The following RTF1 variants were observed in gnomAD, a reference collection of about 807,000 sequenced individuals.
RTF1 encodes the protein RNA polymerase-associated protein RTF1 homolog.
Under a neutral mutation model 95.7 loss-of-function variants are expected in RTF1, and 10 were observed. The observed-to-expected ratio is 0.10, with a 90% confidence interval of 0.06 to 0.18. The LOEUF (loss-of-function observed/expected upper bound fraction) is 0.18, where lower values mean the gene tolerates loss of function less well. Ranked by LOEUF, RTF1 falls within the 10% of genes least tolerant of loss-of-function variation. RTF1 has a pLI of 1.00. For missense variants in RTF1, 458 were observed against 875.6 expected (o/e 0.52, Z 6.02); for synonymous variants, 305 against 311.8 (o/e 0.98, Z 0.23).
In RTF1 at chr15:41,417,226, G is replaced by T; in HGVS notation, c.111G>T (p.Arg37=). Residue 37 remains arginine, a synonymous_variant, in exon 1 of 18, where the codon CGG becomes CGT. Transcript: ENST00000389629. ...GSPGGGRRGS[R]GTTMVKKRKG... ...CGGGCGGCGGCCGGCGTGGGAGCCGGGGGACCACCATGGTAAAGAAGCGGA... is the reference window on the plus strand; with the variant it reads ...CGGGCGGCGGCCGGCGTGGGAGCCGTGGGACCACCATGGTAAAGAAGCGGA... 3 of 1,260,086 alleles carry T rather than the reference G, an allele frequency of 2.4e-6. No homozygotes were observed. The highest frequency in any genetic ancestry group is 3.0e-6 in the Non-Finnish European group (3 of 996,522). The allele number at this position is 1,260,086 out of a possible 1,614,324, so 78.1% of individuals were successfully genotyped here.
rs577007442 is a variant in RTF1, at chr15:41,468,632, A to C, written c.890-1625A>C. On this transcript the variant is annotated intron_variant, in intron 6 of 17. Coordinates refer to ENST00000389629, the MANE Select transcript of RTF1 (RefSeq NM_015138.5). ...GCACCCGGCCTAAAGAGAAACTTCT[A>C]ATCAGCTATTTAGTTACCCCCCAGG... Among the ~76,000 whole-genome samples, 15 of 152,238 alleles carry C rather than the reference A, an allele frequency of 9.9e-5. No individual in the cohort carries two copies. In the South Asian group the frequency reaches 2.9e-3, roughly 29 times the overall value.
In RTF1 at chr15:41,440,680, G is replaced by A. The variant is rs180724660; in HGVS notation, c.309+2249G>A. On this transcript the variant is annotated intron_variant, in intron 2 of 17. Transcript: ENST00000389629. The stretch of plus-strand genomic sequence containing the variant: ...AATTTTTTGTATTTTTGGTAGAGTC[G>A]GGGTTTCACCACGTTAGCCAAGATG... Among the ~76,000 whole-genome samples, 290 of 151,242 alleles carry A rather than the reference G, an allele frequency of 1.9e-3. 2 individuals are homozygous for A. Among genetic ancestry groups the A allele is most frequent in the African/African-American group, 6.8e-3 (279 of 41,194 alleles).
At chr15:41,463,772 G>A (rs964496550) in intron 4 of RTF1, among the ~76,000 whole-genome samples, 4 of 152,104 alleles carry the variant, frequency 2.6e-5, no homozygotes, top group Admixed American at 6.6e-5. Context: ...GTGAGCCACC[G>A]TGCCTGGCCT....
rs149196712 is a variant in RTF1 at position 41,469,339 on chromosome 15, T to A, written c.890-918T>A. On this transcript the variant is annotated intron_variant, in intron 6 of 17. Transcript: ENST00000389629. The stretch of plus-strand genomic sequence containing the variant: ...CCATCTTAGATTAATGGTAGCATAT[T>A]ATACACAGTTTTCTCTCTCTTTTTT... 4.0e-3 allele frequency among the ~76,000 whole-genome samples: 613 copies of A among 152,122 alleles called. 6 individuals are homozygous for A. The highest frequency in any genetic ancestry group is 0.014 in the African/African-American group (591 of 41,472).
chr15:41,449,510 A>G (rs972403159), intron 2 of RTF1, among the ~76,000 whole-genome samples: 10 of 152,152 alleles, frequency 6.6e-5, no homozygotes, highest in Admixed American at 2.6e-4. Context: ...AAATTAAAAA[A>G]TATATTTCCT....
chr15:41,480,403 C>T, intron 17 of RTF1, 78 bp downstream of exon 17: 10 of 1,123,990 alleles, frequency 8.9e-6, no homozygotes, highest in Non-Finnish European at 1.4e-5. Flanking sequence ...AGGAAGCCCA[C>T]TTTTAGGGAA....
chr15:41,473,335 T>C (rs2050924433), intron 8 of RTF1, among the ~76,000 whole-genome samples: 1 of 151,962 alleles, frequency 6.6e-6, no homozygotes, highest in African/African-American at 2.4e-5. Context: ...GGTTTCACCT[T>C]GTTAGCCAGG....
chr15:41,431,750 C>T (rs572547396), intron 1 of RTF1, among the ~76,000 whole-genome samples: 8 of 151,994 alleles, frequency 5.3e-5, no homozygotes, highest in African/African-American at 1.5e-4. Context: ...CAGCCCTCGT[C>T]GGCTTCCCAA....
chr15:41,480,144 A>G, intron 16 of RTF1, 70 bp from the exon 17 acceptor site: 1 of 953,872 alleles, frequency 1.0e-6, no homozygotes, highest in South Asian at 1.3e-5. Context: ...TCGTACCGTT[A>G]GTGGCTGCTG....
chr15:41,447,459 G>A (rs908639383), intron 2 of RTF1, among the ~76,000 whole-genome samples: 3 of 152,160 alleles, frequency 2.0e-5, no homozygotes, highest in Non-Finnish European at 4.4e-5. Context: ...GGGGAATATA[G>A]TACTCACCTT....
intron 8 of RTF1, among the ~76,000 whole-genome samples, chr15:41,472,851 G>C (rs1025324651): frequency 6.7e-6 from 1 of 148,926 alleles, no homozygotes; most frequent in African/African-American, 2.5e-5. Flanking sequence ...ACAGGCGCCC[G>C]CAACCACGCC....
At chr15:41,476,355 C>A (rs1365979724) in intron 11 of RTF1, 91 bp from the exon 12 acceptor site, 3 of 957,250 alleles carry the variant, frequency 3.1e-6, no homozygotes, top group East Asian at 2.5e-5. Flanking sequence ...CCCTTTGTAA[C>A]TAGCTGTTTG....
chr15:41,431,925 C>T (rs972140859), intron 1 of RTF1, among the ~76,000 whole-genome samples: 1 of 151,924 alleles, frequency 6.6e-6, no homozygotes, highest in African/African-American at 2.4e-5. Flanking sequence ...CTCAGCCTCC[C>T]GAGTAGCTAG....
At chr15:41,475,987 A>G (rs1174771983) in intron 11 of RTF1, among the ~76,000 whole-genome samples, 168 bp downstream of exon 11, 1 of 152,174 alleles carries the variant, frequency 6.6e-6, no homozygotes, top group Non-Finnish European at 1.5e-5. Context: ...TTTTTTCTAT[A>G]CATTCTCATG....
chr15:41,473,782 C>T (rs1595440278), intron 8 of RTF1, among the ~76,000 whole-genome samples: 1 of 150,812 alleles, frequency 6.6e-6, no homozygotes, highest in South Asian at 2.1e-4. Context: ...CAGTGGCTCA[C>T]GCCTGTAATC....
rs558225231 is a variant in RTF1 at position 41,482,595 on chromosome 15, G to A, written c.*1908G>A. The stretch of plus-strand genomic sequence containing the variant: ...AAAGGAGTATTATGATTGTAAAATT[G>A]CTAAATATGACTGTAACACAGCTTT... On this transcript the variant is annotated 3_prime_UTR_variant, in exon 18 of 18. Transcript: ENST00000389629. The A allele has an allele frequency of 2.4e-4, 36 of 152,414 alleles. No individual in the cohort carries two copies. The highest frequency in any genetic ancestry group is 8.4e-4 in the African/African-American group (35 of 41,482). The allele number at this position is 152,414 out of a possible 1,614,324, so 9.4% of individuals were successfully genotyped here. A position where few individuals can be genotyped will look rare whatever the true frequency, so the allele number is the denominator to read the frequency against.
At chr15:41,453,740 AG>A (rs2050799460) in intron 3 of RTF1, among the ~76,000 whole-genome samples, 1 of 151,560 alleles carries the variant, frequency 6.6e-6, no homozygotes, top group Non-Finnish European at 1.5e-5. Context: ...AAAAAAAAGT[AG>A]GAAAAAAAAA....
At chr15:41,434,136 C>T (rs767366407) in intron 1 of RTF1, among the ~76,000 whole-genome samples, 18 of 147,510 alleles carry the variant, frequency 1.2e-4, no homozygotes, top group East Asian at 9.8e-4. Context: ...TGAGCCACCA[C>T]GCCTGGCCTT....
chr15:41,456,339 A>G (rs527856863), intron 3 of RTF1, among the ~76,000 whole-genome samples: 13 of 150,290 alleles, frequency 8.6e-5, no homozygotes, highest in Admixed American at 3.3e-4. Flanking sequence ...ATACAAAAAA[A>G]TTAGCCAGGC....
Sources: allele counts gnomAD v4.1 joint callset (sites outside exome capture counted in the v4.1 genomes callset), GRCh38; gene constraint gnomAD v4.1.1; transcripts MANE v1.5; gene names NCBI Gene and HGNC (gene_info 2026-07-23, HGNC 2026-07-21).